Variants in PDE3A observed in about 807,000 individuals in gnomAD.
PDE3A encodes cGMP-inhibited 3',5'-cyclic phosphodiesterase 3A.
Under a neutral mutation model 98.3 loss-of-function variants are expected in PDE3A, and 43 were observed. The ratio of observed to expected loss-of-function variants is 0.44; its 90% CI spans 0.34 to 0.56. PDE3A has a LOEUF of 0.56. Ranked by LOEUF, PDE3A falls within the 20% of genes least tolerant of loss-of-function variation. The pLI is 0.01. For synonymous variants in PDE3A, 663 were observed against 567.9 expected (o/e 1.17, Z -2.38); for missense variants, 1,427 against 1,440.7 (o/e 0.99, Z 0.15).
At position 20,503,284 on chromosome 12, in the gene PDE3A, T is replaced by C. The variant is rs865813176; in HGVS notation, c.961-53376T>C. Among the ~76,000 whole-genome samples, 20 of 152,216 alleles carry C rather than the reference T, an allele frequency of 1.3e-4. No homozygotes were observed. The Middle Eastern group carries it at 0.01, about 78-fold the overall frequency. The stretch of plus-strand genomic sequence containing the variant: ...GAAATTTGGTTTCTATACTAGTTTA[T>C]AATACCAGTTACTATTAAATACTCA... On this transcript the variant is annotated intron_variant, in intron 1 of 15. Transcript: ENST00000359062.
intron 1 of PDE3A, among the ~76,000 whole-genome samples, chr12:20,532,523 A>C (rs1326458527): frequency 6.6e-6 from 1 of 152,060 alleles, no homozygotes; most frequent in Non-Finnish European, 1.5e-5. Flanking sequence ...AGTCTGAGAG[A>C]TTCTCTGGTT....
At chr12:20,532,184 C>A (rs1941617286) in intron 1 of PDE3A, among the ~76,000 whole-genome samples, 1 of 151,634 alleles carries the variant, frequency 6.6e-6, no homozygotes, top group South Asian at 2.1e-4. Context: ...ATATAAAGAG[C>A]TATAAATAAA....
chr12:20,416,158 A>G (rs1386011529), intron 1 of PDE3A, among the ~76,000 whole-genome samples: 2 of 152,218 alleles, frequency 1.3e-5, no homozygotes, highest in Non-Finnish European at 2.9e-5. Flanking sequence ...TAGTTGCATG[A>G]AAATTTCCCA....
intron 5 of PDE3A, among the ~76,000 whole-genome samples, chr12:20,628,768 G>C (rs931708034): frequency 6.6e-6 from 1 of 152,148 alleles, no homozygotes; most frequent in Admixed American, 6.6e-5. Flanking sequence ...GCGCCAACAA[G>C]AAATTAAAAA....
intron 1 of PDE3A, among the ~76,000 whole-genome samples, chr12:20,432,544 A>G (rs1944714969): frequency 6.6e-6 from 1 of 152,168 alleles, no homozygotes; most frequent in Non-Finnish European, 1.5e-5. Flanking sequence ...AAGTATATAT[A>G]TGCTTATCTC....
chr12:20,622,672 G>C (rs565815304), intron 5 of PDE3A, among the ~76,000 whole-genome samples: 59 of 152,240 alleles, frequency 3.9e-4, no homozygotes, highest in African/African-American at 1.4e-3. Flanking sequence ...ATACGGATTT[G>C]CTCAGTAATA....
At chr12:20,382,821 C>T (rs887255222) in intron 1 of PDE3A, among the ~76,000 whole-genome samples, 3 of 152,002 alleles carry the variant, frequency 2.0e-5, no homozygotes, top group Non-Finnish European at 4.4e-5. Flanking sequence ...AATACATATT[C>T]TTGCCCATTA....
At chr12:20,643,810 GTTTGTTTTTTGTTTT>G (rs1179725731) in intron 10 of PDE3A, among the ~76,000 whole-genome samples, 1 of 151,888 alleles carries the variant, frequency 6.6e-6, no homozygotes, top group East Asian at 1.9e-4. Context: ...CTTGTTGAAA[GTTTGTTTTTTGTTTT>G]TTTGTTTTTT....
At chr12:20,512,184 C>G (rs1347360932) in intron 1 of PDE3A, among the ~76,000 whole-genome samples, 3 of 151,422 alleles carry the variant, frequency 2.0e-5, no homozygotes, top group Non-Finnish European at 4.4e-5. Context: ...TAATACGTCG[C>G]TATTGGTCCA....
intron 14 of PDE3A, among the ~76,000 whole-genome samples, chr12:20,652,001 G>A (rs1944930576): frequency 6.7e-6 from 1 of 148,696 alleles, no homozygotes; most frequent in South Asian, 2.1e-4. Flanking sequence ...TCCCACCTAT[G>A]AGTGAGAACA....
In PDE3A at chr12:20,370,294, G is replaced by A. The variant is rs529753896; in HGVS notation, c.960+50G>A. ...GGCTCTTGGAAACTTGAAACACTTGGCAACCGGCGCAGAGTGGAGAGAATC... is the reference window on the plus strand; with the variant it reads ...GGCTCTTGGAAACTTGAAACACTTGACAACCGGCGCAGAGTGGAGAGAATC... On this transcript the variant is annotated intron_variant, in intron 1 of 15. Coordinates refer to ENST00000359062, the MANE Select transcript of PDE3A (RefSeq NM_000921.5). 26 of 1,470,682 alleles carry A rather than the reference G, an allele frequency of 1.8e-5. No individual in the cohort carries two copies. The South Asian group carries it at 3.4e-4, about 19-fold the overall frequency. 91.1% of individuals were successfully genotyped at this position (1,470,682 alleles called of 1,614,324 possible).
At chr12:20,410,745 T>G (rs970359971) in intron 1 of PDE3A, among the ~76,000 whole-genome samples, 1 of 152,172 alleles carries the variant, frequency 6.6e-6, no homozygotes, top group African/African-American at 2.4e-5. Context: ...TTCAGAGGTA[T>G]CAAAATGTGA....
chr12:20,666,287 G>A (rs894931216), intron 15 of PDE3A, among the ~76,000 whole-genome samples: 4 of 151,916 alleles, frequency 2.6e-5, no homozygotes, highest in African/African-American at 9.7e-5. Flanking sequence ...TCTATGTGTT[G>A]GGAAGTCCCC....
intron 1 of PDE3A, among the ~76,000 whole-genome samples, chr12:20,485,240 A>G (rs1213933378): frequency 3.3e-5 from 5 of 152,120 alleles, no homozygotes; most frequent in African/African-American, 1.2e-4. Flanking sequence ...TTGGGGACTC[A>G]AGCATTCCTT....
At chr12:20,587,136 G>A (rs957431724) in intron 2 of PDE3A, among the ~76,000 whole-genome samples, 4 of 152,134 alleles carry the variant, frequency 2.6e-5, no homozygotes, top group Admixed American at 6.5e-5. Flanking sequence ...TTAGGAGGTC[G>A]AGGTGGGTGG....
intron 1 of PDE3A, among the ~76,000 whole-genome samples, chr12:20,427,376 TA>T (rs1259307271): frequency 1.3e-5 from 2 of 152,238 alleles, no homozygotes; most frequent in Non-Finnish European, 2.9e-5. Flanking sequence ...GGAAGTGTAT[TA>T]ATGGGAAATA....
In PDE3A at chr12:20,416,566, C is replaced by T. The variant is rs184613305; in HGVS notation, c.960+46322C>T. Among the ~76,000 whole-genome samples, 553 of 152,196 alleles carry T rather than the reference C, an allele frequency of 3.6e-3. 1 individual carries two copies. Among genetic ancestry groups the T allele is most frequent in the Non-Finnish European group, 6.1e-3 (416 of 67,976 alleles). On this transcript the variant is annotated intron_variant, in intron 1 of 15. Coordinates refer to ENST00000359062, the MANE Select transcript of PDE3A (RefSeq NM_000921.5). ...TAAAGTTTGCAGTTACTTTAAAGTA[C>T]TCCAAATTTAGGCATACTTCACACG...
intron 1 of PDE3A, among the ~76,000 whole-genome samples, chr12:20,410,071 A>G (rs1268325021): frequency 6.6e-6 from 1 of 152,184 alleles, no homozygotes; most frequent in Non-Finnish European, 1.5e-5. Context: ...AGGATTCCCA[A>G]GTCTTGCTGT....
intron 1 of PDE3A, among the ~76,000 whole-genome samples, chr12:20,472,971 C>T (rs1482138911): frequency 1.3e-5 from 2 of 152,176 alleles, no homozygotes; most frequent in Middle Eastern, 3.4e-3. Context: ...GTAAATGATA[C>T]TCAATATATA....
Sources: gnomAD v4.1 joint callset for allele counts (sites outside exome capture counted in the v4.1 genomes callset) on GRCh38, gnomAD v4.1.1 for gene constraint, MANE v1.5 for transcripts, NCBI Gene and HGNC (gene_info 2026-07-23, HGNC 2026-07-21) for gene names.